Variants in PRIMA1 observed in about 807,000 individuals in gnomAD.
PRIMA1 encodes the protein proline rich membrane anchor 1, also known as proline-rich membrane anchor 1.
A neutral mutation model predicts 17.5 loss-of-function variants in PRIMA1; 7 were observed. The ratio of observed to expected loss-of-function variants is 0.40; its 90% CI spans 0.23 to 0.75. The LOEUF (loss-of-function observed/expected upper bound fraction) is 0.75, where lower values mean the gene tolerates loss of function less well. Ranked by LOEUF, PRIMA1 falls within the 30% of genes least tolerant of loss-of-function variation. The pLI is 0.37. For synonymous variants in PRIMA1, 97 were observed against 77.9 expected (o/e 1.25, Z -1.29); for missense variants, 200 against 201.8 (o/e 0.99, Z 0.05).
At chr14:93,754,515 G>A (rs2076279419) in intron 3 of PRIMA1, among the ~76,000 whole-genome samples, 1 of 152,188 alleles carries the variant, frequency 6.6e-6, no homozygotes, top group South Asian at 2.1e-4. Context: ...CAGACAGCAA[G>A]ACTAAACTCA....
chr14:93,736,916 G>A lies in PRIMA1; in HGVS notation c.359+325C>T, dbSNP rs116017009. 2.9e-3 allele frequency among the ~76,000 whole-genome samples: 449 copies of A among 152,292 alleles called. 7 individuals carry two copies. The highest frequency in any genetic ancestry group is 0.01 in the African/African-American group (431 of 41,560). On this transcript the variant is annotated intron_variant, in intron 4 of 4. Transcript: ENST00000393140. ...GTATTTTTCACGTTGCACTGGGCCTGACATATAATTGGTGCTAATCAATTG... is the reference window on the plus strand; with the variant it reads ...GTATTTTTCACGTTGCACTGGGCCTAACATATAATTGGTGCTAATCAATTG...
At chr14:93,764,134 G>A (rs541867497) in intron 3 of PRIMA1, among the ~76,000 whole-genome samples, 12 of 151,944 alleles carry the variant, frequency 7.9e-5, no homozygotes, top group South Asian at 2.1e-4. Flanking sequence ...CCAAGCTGCC[G>A]TTCCCTGCTT....
chr14:93,722,081 T>G (rs2076042992), intron 4 of PRIMA1, among the ~76,000 whole-genome samples: 1 of 69,058 alleles, frequency 1.4e-5, no homozygotes, highest in African/African-American at 5.5e-5. Flanking sequence ...ATGGTGGTAG[T>G]GGTGATGCTG....
In PRIMA1 at chr14:93,759,623, A is replaced by G. The variant is rs143417048; in HGVS notation, c.229+19553T>C. ...GAGGGCTAGAGAGGGAGGGGAGGGA[A>G]AGGAGAAAGAACACCTATGATGAGA... On this transcript the variant is annotated intron_variant, in intron 3 of 4. Transcript: ENST00000393140. Among the ~76,000 whole-genome samples the G allele has an allele frequency of 4.2e-3, 641 of 152,172 alleles. 7 individuals carry two copies. The highest frequency in any genetic ancestry group is 0.023 in the South Asian group (112 of 4,820).
At chr14:93,770,476 C>T (rs936028177) in intron 3 of PRIMA1, among the ~76,000 whole-genome samples, 5 of 152,210 alleles carry the variant, frequency 3.3e-5, no homozygotes, top group African/African-American at 9.7e-5. Context: ...TGCTTCTCCA[C>T]ACGAGGACCT....
chr14:93,757,753 A>C (rs905876241), intron 3 of PRIMA1, among the ~76,000 whole-genome samples: 2 of 151,894 alleles, frequency 1.3e-5, no homozygotes, highest in Non-Finnish European at 2.9e-5. Context: ...AGGGAGAGGA[A>C]ACGGAGGGAA....
chr14:93,740,392 TC>T (rs746960270), intron 3 of PRIMA1, among the ~76,000 whole-genome samples: 22 of 152,082 alleles, frequency 1.4e-4, no homozygotes, highest in Non-Finnish European at 2.4e-4. Flanking sequence ...GCCCCCACCT[TC>T]CCTACACTCT....
At chr14:93,752,543 C>T (rs1163710120) in intron 3 of PRIMA1, among the ~76,000 whole-genome samples, 12 of 152,172 alleles carry the variant, frequency 7.9e-5, no homozygotes, top group South Asian at 4.1e-4. Context: ...AGGGCTGCCC[C>T]GGCTCCAGCC....
intron 3 of PRIMA1, among the ~76,000 whole-genome samples, chr14:93,743,648 C>T (rs536792808): frequency 3.9e-5 from 6 of 152,346 alleles, no homozygotes; most frequent in South Asian, 2.1e-4. Context: ...TGTGGGAAAC[C>T]GAAGGCAGAA....
At chr14:93,785,188 C>CAAAAAAAAAAA (rs386382197) in intron 2 of PRIMA1, among the ~76,000 whole-genome samples, 2 of 110,060 alleles carry the variant, frequency 1.8e-5, no homozygotes, top group Non-Finnish European at 3.6e-5. Context: ...TCTTCTCTTT[C>CAAAAAAAAAAA]AAAAAAAAAA....
At chr14:93,771,008 G>C (rs1239468622) in intron 3 of PRIMA1, among the ~76,000 whole-genome samples, 1 of 152,150 alleles carries the variant, frequency 6.6e-6, no homozygotes, top group African/African-American at 2.4e-5. Context: ...TATTTAAAAG[G>C]TGGAATAACT....
chr14:93,782,882 A>G (rs972700942), intron 2 of PRIMA1, among the ~76,000 whole-genome samples: 5 of 152,064 alleles, frequency 3.3e-5, no homozygotes, highest in African/African-American at 4.8e-5. Context: ...CTTCAAACCT[A>G]TCTCTTGAAC....
chr14:93,780,361 G>A (rs999027790), intron 2 of PRIMA1, among the ~76,000 whole-genome samples: 1 of 152,184 alleles, frequency 6.6e-6, no homozygotes, highest in Admixed American at 6.5e-5. Flanking sequence ...GGCAGAGCAG[G>A]CCTTGTTCCT....
In PRIMA1 at chr14:93,719,797, A is replaced by C. The variant is rs944992107; in HGVS notation, c.*1647T>G. 6.6e-6 allele frequency: 1 copy of C among 152,572 alleles called. No homozygotes were observed. The highest frequency in any genetic ancestry group is 2.4e-5 in the African/African-American group (1 of 41,436). The allele number at this position is 152,572 out of a possible 1,614,324, so 9.5% of individuals were successfully genotyped here. A position where few individuals can be genotyped will look rare whatever the true frequency, so the allele number is the denominator to read the frequency against. On this transcript the variant is annotated 3_prime_UTR_variant, in exon 5 of 5. Transcript: ENST00000393140. ...GAAGCAAAATTCAAATCTAAACCCC[A>C]AACAAGTCCTCAAATAGAAGGAAAT...
chr14:93,724,857 G>C (rs2076063964), intron 4 of PRIMA1, among the ~76,000 whole-genome samples: 1 of 152,142 alleles, frequency 6.6e-6, no homozygotes, highest in African/African-American at 2.4e-5. Context: ...GCCTTCTAGG[G>C]TGGATAATGA....
intron 4 of PRIMA1, among the ~76,000 whole-genome samples, chr14:93,729,756 T>G (rs961074282): frequency 2.6e-4 from 40 of 152,186 alleles, no homozygotes; most frequent in Admixed American, 2.6e-4. Context: ...CGGAGCTGCT[T>G]CACTGCATTC....
In PRIMA1 at chr14:93,782,005, C is replaced by T. The variant is rs574055287; in HGVS notation, c.94-2694G>A. On this transcript the variant is annotated intron_variant, in intron 2 of 4. Coordinates refer to ENST00000393140, the MANE Select transcript of PRIMA1 (RefSeq NM_178013.4). ...GAATAAGGCCGGGCGCAGTGGCTCA[C>T]GCCTGTAATCCCAGCACTTTGGGAG... 7.3e-5 allele frequency among the ~76,000 whole-genome samples: 11 copies of T among 151,012 alleles called. No homozygotes were observed. The East Asian group carries it at 2.0e-3, about 27-fold the overall frequency.
chr14:93,781,008 C>A (rs767763108), intron 2 of PRIMA1, among the ~76,000 whole-genome samples: 1 of 152,210 alleles, frequency 6.6e-6, no homozygotes, highest in Non-Finnish European at 1.5e-5. Context: ...GAGAGCCCCC[C>A]GGGGCTGGGA....
intron 3 of PRIMA1, among the ~76,000 whole-genome samples, chr14:93,760,551 C>T (rs2076320387): frequency 1.3e-5 from 2 of 152,160 alleles, no homozygotes; most frequent in Admixed American, 6.5e-5. Context: ...TCCCTGATGG[C>T]TCACGGCCCA....
Sources: gnomAD v4.1 joint callset for allele counts (sites outside exome capture counted in the v4.1 genomes callset) on GRCh38, gnomAD v4.1.1 for gene constraint, MANE v1.5 for transcripts, NCBI Gene and HGNC (gene_info 2026-07-23, HGNC 2026-07-21) for gene names.